PTBP2: variants seen among roughly 807,000 people sequenced by gnomAD.
PTBP2 encodes the protein polypyrimidine tract-binding protein 2.
PTBP2 carries 13 observed loss-of-function variants against 61.4 expected under a neutral mutation model. That is an observed-to-expected ratio of 0.21 (90% CI 0.14 to 0.34). The LOEUF (loss-of-function observed/expected upper bound fraction) is 0.34. Ranked by LOEUF, PTBP2 falls within the 10% of genes least tolerant of loss-of-function variation. The pLI, the probability that PTBP2 is intolerant of heterozygous loss-of-function variation, is 1.00. For missense variants in PTBP2, 405 were observed against 642.6 expected, an observed-to-expected ratio of 0.63 and a Z score of 4.00; for synonymous variants, 215 against 218.5, an observed-to-expected ratio of 0.98 and a Z score of 0.14.
At chr1:96,777,138 G>T (rs1170382453) in intron 5 of PTBP2, among the ~76,000 whole-genome samples, 1 of 152,042 alleles carries the variant, frequency 6.6e-6, no homozygotes, top group African/African-American at 2.4e-5. Flanking sequence ...TTTTAAGATT[G>T]TATTAGAAAT....
At chr1:96,815,796 A>C (rs1662458270), downstream of PTBP2, 1 of 152,192 alleles carries the variant, frequency 6.6e-6, no homozygotes, top group Non-Finnish European at 1.5e-5. Context: ...CATTAGAGTC[A>C]ACAGTCTGGG....
rs750256953 is a variant in PTBP2, at chr1:96,769,849, A to C, written c.262A>C (p.Ile88Leu). 1 of 1,596,002 alleles carries C rather than the reference A, an allele frequency of 6.3e-7. No individual in the cohort carries two copies. The highest frequency in any genetic ancestry group is 1.8e-5 in the Admixed American group (1 of 56,658). The change falls in exon 4 of 14, where the codon ATC (isoleucine) becomes CTC (leucine). Residue 88 changes from isoleucine (I) to leucine (L), a missense_variant. Physicochemically the swap from Ile to Leu is conservative, Grantham distance 5 (BLOSUM62 2). Coordinates refer to ENST00000674951, the MANE Select transcript of PTBP2 (RefSeq NM_021190.4). ...CTTACCTTTTGGTAAGGTGACCAAC[A>C]TCCTTATGCTGAAAGGAAAAAATCA... is the stretch of plus-strand genomic sequence containing the variant. Reference protein sequence around the residue: ...LGLPFGKVTNILMLKGKNQAF... With the variant: ...LGLPFGKVTNLLMLKGKNQAF...
chr1:96,741,066 C>G (rs887652031), intron 2 of PTBP2, among the ~76,000 whole-genome samples: 3 of 151,358 alleles, frequency 2.0e-5, no homozygotes, highest in Non-Finnish European at 4.4e-5. Context: ...TGTTTCTATA[C>G]ATTCTTTGAA....
At position 96,787,555 on chromosome 1, in the gene PTBP2, A is replaced by T. The variant is rs185217940; in HGVS notation, c.904+2301A>T. 1.4e-3 allele frequency among the ~76,000 whole-genome samples: 208 copies of T among 152,256 alleles called. 1 individual carries two copies. The South Asian group carries it at 0.017, about 12-fold the overall frequency. ...TTTAATGTTTTTGCATCTTGTTATA[A>T]CTGGGCTTTTTAACTATACTCAAAA... is the stretch of plus-strand genomic sequence containing the variant. On this transcript the variant is annotated intron_variant, in intron 8 of 13. Transcript: ENST00000674951.
intron 7 of PTBP2, among the ~76,000 whole-genome samples, chr1:96,784,067 A>G (rs149320369): frequency 0.011 from 1,629 of 152,196 alleles, 20 homozygotes; most frequent in South Asian, 0.036. Context: ...TTATATACTT[A>G]AGCAACTGTA....
intron 8 of PTBP2, among the ~76,000 whole-genome samples, chr1:96,792,502 C>T (rs1659952990): frequency 6.6e-6 from 1 of 152,160 alleles, no homozygotes; most frequent in Non-Finnish European, 1.5e-5. Flanking sequence ...ATTAGCTTGA[C>T]ATTTTAGCCT....
intron 5 of PTBP2, among the ~76,000 whole-genome samples, chr1:96,774,689 T>A (rs1470177038): frequency 6.6e-6 from 1 of 152,226 alleles, no homozygotes; most frequent in Non-Finnish European, 1.5e-5. Context: ...GTTCTCTTTA[T>A]AAACTACTTT....
At chr1:96,800,107 C>T (rs1441439363) in intron 8 of PTBP2, among the ~76,000 whole-genome samples, 1 of 152,134 alleles carries the variant, frequency 6.6e-6, no homozygotes, top group East Asian at 1.9e-4. Context: ...TTAAAGCATT[C>T]TTACACCATA....
At chr1:96,728,340 T>G (rs1650882423) in intron 2 of PTBP2, among the ~76,000 whole-genome samples, 1 of 152,210 alleles carries the variant, frequency 6.6e-6, no homozygotes. Context: ...TGGGTCTCTT[T>G]CATTTTGACT....
At chr1:96,730,133 G>C (rs1051518020) in intron 2 of PTBP2, among the ~76,000 whole-genome samples, 21 of 152,054 alleles carry the variant, frequency 1.4e-4, no homozygotes, top group Non-Finnish European at 2.4e-4. Context: ...TTGTCTGTCT[G>C]GATTGAAGTT....
chr1:96,750,879 T>G (rs762890748), intron 2 of PTBP2, among the ~76,000 whole-genome samples: 1 of 152,130 alleles, frequency 6.6e-6, no homozygotes, highest in African/African-American at 2.4e-5. Context: ...GTAAAGAATT[T>G]TAAGACATGA....
chr1:96,793,543 T>G (rs1040006167), intron 8 of PTBP2, among the ~76,000 whole-genome samples: 1 of 151,922 alleles, frequency 6.6e-6, no homozygotes, highest in African/African-American at 2.4e-5. Context: ...CTAATTTTTT[T>G]TGTAGTTTTA....
intron 8 of PTBP2, among the ~76,000 whole-genome samples, chr1:96,799,702 A>G (rs1381432310): frequency 6.6e-6 from 1 of 152,202 alleles, no homozygotes; most frequent in East Asian, 1.9e-4. Context: ...TATGCTTTCT[A>G]TAACTTTCTC....
intron 2 of PTBP2, among the ~76,000 whole-genome samples, chr1:96,734,330 G>A (rs1015825751): frequency 1.3e-5 from 2 of 151,854 alleles, no homozygotes; most frequent in Non-Finnish European, 2.9e-5. Context: ...TAAAGAATAG[G>A]GACTCTCCTC....
At chr1:96,791,842 T>TTTGTTTTTTTTTTTTTTTG (rs1659866768) in intron 8 of PTBP2, among the ~76,000 whole-genome samples, 1 of 140,214 alleles carries the variant, frequency 7.1e-6, no homozygotes, top group African/African-American at 2.7e-5. Context: ...TTTTTTTTTT[T>TTTGTTTTTTTTTTTTTTTG]TTTTTTTGAG....
chr1:96,786,351 C>G (rs900446019), intron 8 of PTBP2, among the ~76,000 whole-genome samples: 1 of 152,092 alleles, frequency 6.6e-6, no homozygotes, highest in African/African-American at 2.4e-5. Context: ...TTCGAATTTT[C>G]TGGTGTATCC....
rs1448808059 is a variant in PTBP2, at chr1:96,814,928, CTTTG to C, written c.*1527_*1530del. 6.6e-6 allele frequency: 1 copy of C among 152,578 alleles called. No homozygotes were observed. The highest frequency in any genetic ancestry group is 2.4e-5 in the African/African-American group (1 of 41,410). The allele number at this position is 152,578 out of a possible 1,614,324, so 9.5% of individuals were successfully genotyped here. On this transcript the variant is annotated 3_prime_UTR_variant, in exon 14 of 14. Coordinates refer to ENST00000674951, the MANE Select transcript of PTBP2 (RefSeq NM_021190.4). ...TCTGCTGCCTTTTCTCTCTCCTCTT[CTTTG>C]TTTTCACTCCACTGTGCTTCTGAAT...
rs138295897 is a variant in PTBP2 at position 96,752,189 on chromosome 1, G to A, written c.115+689G>A. Among the ~76,000 whole-genome samples the A allele has an allele frequency of 2.8e-3, 428 of 151,866 alleles. 3 individuals carry two copies. Among genetic ancestry groups the A allele is most frequent in the African/African-American group, 9.9e-3 (410 of 41,418 alleles). On this transcript the variant is annotated intron_variant, in intron 3 of 13. Transcript: ENST00000674951. ...TTTGTTTAGTTTTGCTTGAATTGAC[G>A]TGTTCTCATCTGAATGGGCCAAATT...
chr1:96,760,956 A>G (rs1375906376), intron 3 of PTBP2, among the ~76,000 whole-genome samples: 1 of 152,220 alleles, frequency 6.6e-6, no homozygotes, highest in Non-Finnish European at 1.5e-5. Context: ...GTATATTACT[A>G]CTTACTAATA....
Sources: gnomAD v4.1 joint callset for allele counts (sites outside exome capture counted in the v4.1 genomes callset) on GRCh38, gnomAD v4.1.1 for gene constraint, MANE v1.5 for transcripts, NCBI Gene and HGNC (gene_info 2026-07-23, HGNC 2026-07-21) for gene names.